Variants in DDX10 observed in about 807,000 individuals in gnomAD.
DDX10 encodes the protein DEAD-box helicase 10.
In DDX10, 74 loss-of-function variants were observed where a neutral mutation model predicts 104.3. That is an observed-to-expected ratio of 0.71 (90% CI 0.59 to 0.86). The LOEUF (loss-of-function observed/expected upper bound fraction) is 0.86, where lower values mean the gene tolerates loss of function less well. Ranked by LOEUF, DDX10 falls within the 40% of genes least tolerant of loss-of-function variation. The pLI, the probability that DDX10 is intolerant of heterozygous loss-of-function variation, is 0.00. For missense variants in DDX10, 952 were observed against 1,040.0 expected, an observed-to-expected ratio of 0.92 and a Z score of 1.16; for synonymous variants, 351 against 353.4, an observed-to-expected ratio of 0.99 and a Z score of 0.08.
intron 13 of DDX10, among the ~76,000 whole-genome samples, chr11:108,741,478 T>A (rs2094325138): frequency 6.6e-6 from 1 of 152,186 alleles, no homozygotes; most frequent in Non-Finnish European, 1.5e-5. Flanking sequence ...CTCTGATCTC[T>A]TTGGCCAGTG....
chr11:108,885,879 T>C (rs1218242004), intron 16 of DDX10, among the ~76,000 whole-genome samples: 2 of 152,188 alleles, frequency 1.3e-5, no homozygotes, highest in Non-Finnish European at 2.9e-5. Flanking sequence ...ATCAGGCAAT[T>C]CAGCTAAGTC....
intron 2 of DDX10, among the ~76,000 whole-genome samples, chr11:108,673,844 C>G (rs2094220317): frequency 6.6e-6 from 1 of 152,142 alleles, no homozygotes. Flanking sequence ...GACAAAATAT[C>G]AGACTGAGTG....
chr11:108,773,706 C>T (rs1392259230), intron 13 of DDX10, among the ~76,000 whole-genome samples: 1 of 152,130 alleles, frequency 6.6e-6, no homozygotes, highest in Non-Finnish European at 1.5e-5. Context: ...AGTCTATTTA[C>T]AGCCAAATTG....
At position 108,814,684 on chromosome 11, in the gene DDX10, C is replaced by T. The variant is rs143600517; in HGVS notation, c.1966-23762C>T. Among the ~76,000 whole-genome samples the T allele has an allele frequency of 6.2e-3, 946 of 152,220 alleles. 8 individuals are homozygous for T. The highest frequency in any genetic ancestry group is 0.011 in the Non-Finnish European group (753 of 67,982). ...AACCTCTCAAACTTTTGGAATGACT[C>T]TATCTTCAAATATCACTTTAAAAAG... On this transcript the variant is annotated intron_variant, in intron 13 of 17. Coordinates refer to ENST00000322536, the MANE Select transcript of DDX10 (RefSeq NM_004398.4).
intron 13 of DDX10, among the ~76,000 whole-genome samples, chr11:108,832,808 T>C (rs748987406): frequency 5.3e-5 from 8 of 152,202 alleles, no homozygotes; most frequent in Non-Finnish European, 1.0e-4. Context: ...AACCTGGATA[T>C]ATAAAAGCAC....
At chr11:108,822,745 C>T (rs953901074) in intron 13 of DDX10, 1 of 153,618 alleles carries the variant, frequency 6.5e-6, no homozygotes, top group African/African-American at 2.4e-5. Flanking sequence ...AAATGAATTC[C>T]TTCAAGGATT....
intron 13 of DDX10, among the ~76,000 whole-genome samples, chr11:108,801,563 T>C (rs1862020904): frequency 2.0e-5 from 3 of 152,184 alleles, no homozygotes; most frequent in Admixed American, 2.0e-4. Context: ...CCTAACCTCT[T>C]ACAGCCCCCA....
chr11:108,835,862 T>G (rs972553908), intron 13 of DDX10, among the ~76,000 whole-genome samples: 15 of 151,800 alleles, frequency 9.9e-5, no homozygotes, highest in Non-Finnish European at 1.8e-4. Flanking sequence ...GTAGGGAGAG[T>G]AGCCTTTGAT....
At chr11:108,817,769 C>CAGG (rs1291703592) in intron 13 of DDX10, among the ~76,000 whole-genome samples, 1 of 152,120 alleles carries the variant, frequency 6.6e-6, no homozygotes, top group East Asian at 1.9e-4. Context: ...AAATAGAAAA[C>CAGG]AGGAGGGCAT....
At chr11:108,746,324 C>T (rs1301021591) in intron 13 of DDX10, among the ~76,000 whole-genome samples, 5 of 151,772 alleles carry the variant, frequency 3.3e-5, no homozygotes, top group Admixed American at 3.3e-4. Context: ...TGGATTCTTT[C>T]ACTTAGTATG....
chr11:108,863,892 T>TCAGGA (rs1862972712), intron 16 of DDX10, among the ~76,000 whole-genome samples: 1 of 152,196 alleles, frequency 6.6e-6, no homozygotes, highest in African/African-American at 2.4e-5. Context: ...TTCAGTTCAT[T>TCAGGA]CAGCCTTTAT....
chr11:108,688,071 A>G lies in DDX10; in HGVS notation c.849-865A>G, dbSNP rs574578059. Among the ~76,000 whole-genome samples the G allele has an allele frequency of 4.6e-5, 7 of 152,322 alleles. 1 individual carries two copies. In the South Asian group the frequency reaches 1.5e-3, roughly 32 times the overall value. ...ATCTTCATTCCTTTTTTACAGTTGC[A>G]TAATAATTAATGTATGTGGCTGTGT... On this transcript the variant is annotated intron_variant, in intron 6 of 17. Transcript: ENST00000322536.
At chr11:108,700,207 G>A (rs918173169) in intron 9 of DDX10, among the ~76,000 whole-genome samples, 2 of 152,228 alleles carry the variant, frequency 1.3e-5, no homozygotes, top group South Asian at 4.1e-4. Flanking sequence ...CACAAAGAAC[G>A]AATGGACTGT....
intron 16 of DDX10, among the ~76,000 whole-genome samples, chr11:108,894,895 C>CT (rs925707354): frequency 2.6e-5 from 4 of 151,768 alleles, no homozygotes; most frequent in African/African-American, 9.7e-5. Flanking sequence ...TAAGTGATTG[C>CT]TTTTTTCCCT....
intron 1 of DDX10, among the ~76,000 whole-genome samples, chr11:108,666,603 C>G (rs1196618306): frequency 6.6e-6 from 1 of 152,190 alleles, no homozygotes; most frequent in African/African-American, 2.4e-5. Context: ...CTTGCTCCCT[C>G]CAGAGGTTCT....
At chr11:108,723,486 T>A (rs1389410596) in intron 13 of DDX10, 24 bp downstream of exon 13, 1 of 1,590,876 alleles carries the variant, frequency 6.3e-7, no homozygotes, top group Non-Finnish European at 8.5e-7. Context: ...CAGTGGAGGG[T>A]CTTCTATTAC....
At chr11:108,874,710 A>G (rs886471062) in intron 16 of DDX10, among the ~76,000 whole-genome samples, 3 of 152,116 alleles carry the variant, frequency 2.0e-5, no homozygotes, top group African/African-American at 7.2e-5. Context: ...GAATAGTTGT[A>G]TCTCTTTAGT....
chr11:108,891,999 A>G (rs1863382564), intron 16 of DDX10, among the ~76,000 whole-genome samples: 1 of 152,194 alleles, frequency 6.6e-6, no homozygotes, highest in South Asian at 2.1e-4. Context: ...AGAGACCTGG[A>G]AAGCCTGCAC....
intron 16 of DDX10, among the ~76,000 whole-genome samples, chr11:108,910,106 A>C (rs1863648705): frequency 6.6e-6 from 1 of 152,010 alleles, no homozygotes; most frequent in Non-Finnish European, 1.5e-5. Context: ...TTGGGGGCCA[A>C]GGATAAGGAA....
Sources: allele counts gnomAD v4.1 joint callset (sites outside exome capture counted in the v4.1 genomes callset), GRCh38; gene constraint gnomAD v4.1.1; transcripts MANE v1.5; gene names NCBI Gene and HGNC (gene_info 2026-07-23, HGNC 2026-07-21).